The following GPR158 variants were observed in gnomAD, a reference collection of about 807,000 sequenced individuals.
The protein encoded by GPR158 is G protein-coupled receptor 158, also known as metabotropic glycine receptor.
A neutral mutation model predicts 78.2 loss-of-function variants in GPR158; 30 were observed. The observed-to-expected ratio is 0.38, with a 90% CI of 0.29 to 0.52. GPR158 has a LOEUF of 0.52. Ranked by LOEUF, GPR158 falls within the 20% of genes least tolerant of loss-of-function variation. The pLI is 0.83. For synonymous variants in GPR158, 581 were observed against 591.1 expected (o/e 0.98, Z 0.25); for missense variants, 1,463 against 1,523.5 (o/e 0.96, Z 0.66).
intron 2 of GPR158, among the ~76,000 whole-genome samples, chr10:25,365,823 T>G (rs1262076571): frequency 6.6e-6 from 1 of 151,582 alleles, no homozygotes; most frequent in Non-Finnish European, 1.5e-5. Context: ...GAGAACGTAC[T>G]TCGAGAGAAA....
intron 6 of GPR158, among the ~76,000 whole-genome samples, chr10:25,560,725 T>A (rs1233462969): frequency 6.6e-6 from 1 of 152,232 alleles, no homozygotes; most frequent in African/African-American, 2.4e-5. Flanking sequence ...TTTGTCATCT[T>A]TTTGTGGTTC....
At chr10:25,359,636 G>A (rs538420011) in intron 2 of GPR158, among the ~76,000 whole-genome samples, 4 of 152,154 alleles carry the variant, frequency 2.6e-5, no homozygotes, top group African/African-American at 9.6e-5. Flanking sequence ...TACGTGCCAC[G>A]TTTTCTTTAT....
intron 5 of GPR158, among the ~76,000 whole-genome samples, chr10:25,492,413 CT>C (rs139421827): frequency 2.0e-5 from 3 of 150,544 alleles, no homozygotes; most frequent in Admixed American, 1.3e-4. Context: ...TTTTCTTTTT[CT>C]TTTTTTTTGT....
At chr10:25,585,389 C>T (rs1007111222) in intron 7 of GPR158, among the ~76,000 whole-genome samples, 9 of 152,208 alleles carry the variant, frequency 5.9e-5, no homozygotes, top group African/African-American at 1.9e-4. Context: ...GTTCCTGCCC[C>T]GTAGTTCATA....
chr10:25,481,196 C>G (rs971318139), intron 5 of GPR158, among the ~76,000 whole-genome samples: 1 of 134,844 alleles, frequency 7.4e-6, no homozygotes, highest in African/African-American at 2.5e-5. Flanking sequence ...GGACTGAGAC[C>G]TTTACTGGGG....
intron 2 of GPR158, among the ~76,000 whole-genome samples, chr10:25,267,011 A>T (rs1291873061): frequency 6.6e-6 from 1 of 152,152 alleles, no homozygotes; most frequent in Non-Finnish European, 1.5e-5. Context: ...TATTCTTGAA[A>T]GAAATTGTGT....
chr10:25,484,069 G>A (rs1286915668), intron 5 of GPR158, among the ~76,000 whole-genome samples: 2 of 152,114 alleles, frequency 1.3e-5, no homozygotes, highest in African/African-American at 4.8e-5. Context: ...AAAGAGACCG[G>A]AATTCTAACC....
chr10:25,463,724 C>G (rs571747755), intron 4 of GPR158, among the ~76,000 whole-genome samples: 35 of 152,202 alleles, frequency 2.3e-4, no homozygotes, highest in Admixed American at 3.9e-4. Flanking sequence ...CCCCCACCCC[C>G]ATACACACTT....
In GPR158 at chr10:25,176,127, G is replaced by A. The variant is rs780800138; in HGVS notation, c.707G>A (p.Arg236His). 5.1e-6 allele frequency: 8 copies of A among 1,572,660 alleles called. No homozygotes were observed. Among genetic ancestry groups the A allele is most frequent in the African/African-American group, 4.0e-5 (3 of 74,284 alleles). The change falls in exon 1 of 11, where the codon CGC becomes CAC. Residue 236 changes from arginine (R) to histidine (H), a missense_variant. Transcript: ENST00000376351. This position sits in a 1 kb window ranked among gnomAD's most constrained non-coding sequence, Gnocchi z 6.3. The part of the protein sequence containing the change: ...LRRKWRPHLH[R>H]RGPNQGPRGL... ...CGCAAGTGGAGGCCCCACTTACACC[G>A]CCGCGGCCCCAATCAGGGGCCCCGG...
rs574113323 is a variant in GPR158 at position 25,566,029 on chromosome 10, T to TA, written c.1515-6619dup. 5.9e-5 allele frequency among the ~76,000 whole-genome samples: 9 copies of TA among 152,300 alleles called. No homozygotes were observed. In the East Asian group the frequency reaches 1.5e-3, roughly 26 times the overall value. Reference sequence around the variant, plus strand: ...CAGTAAATTATTTTGTGACATGTCTTAGATTTTGAGGAAAACCGGAATTGC... The same window carrying TA: ...CAGTAAATTATTTTGTGACATGTCTTAAGATTTTGAGGAAAACCGGAATTGC... On this transcript the variant is annotated intron_variant, in intron 6 of 10. Coordinates refer to ENST00000376351, the MANE Select transcript of GPR158 (RefSeq NM_020752.3).
chr10:25,211,140 G>GAA (rs60869522), intron 1 of GPR158, among the ~76,000 whole-genome samples: 1 of 125,556 alleles, frequency 8.0e-6, no homozygotes, highest in Non-Finnish European at 1.8e-5. Context: ...CAAGAAAAAA[G>GAA]AAAAAAAAAA....
chr10:25,359,004 G>GTT (rs60537890), intron 2 of GPR158, among the ~76,000 whole-genome samples: 41 of 150,370 alleles, frequency 2.7e-4, no homozygotes, highest in African/African-American at 9.7e-4. Context: ...CAAGTATTCT[G>GTT]TTTTTTTTTG....
intron 2 of GPR158, among the ~76,000 whole-genome samples, chr10:25,298,372 A>G (rs1854545617): frequency 6.6e-6 from 1 of 152,188 alleles, no homozygotes; most frequent in Non-Finnish European, 1.5e-5. Flanking sequence ...TAAAAAATGT[A>G]AAGTTGTCTT....
intron 2 of GPR158, among the ~76,000 whole-genome samples, chr10:25,235,619 A>C (rs1311554924): frequency 6.6e-6 from 1 of 150,952 alleles, no homozygotes; most frequent in Non-Finnish European, 1.5e-5. Context: ...CATATTTCTT[A>C]ACCTTTTCAT....
intron 2 of GPR158, among the ~76,000 whole-genome samples, chr10:25,389,441 C>A (rs993752100): frequency 2.0e-5 from 3 of 152,170 alleles, no homozygotes; most frequent in Non-Finnish European, 4.4e-5. Flanking sequence ...AGGAGACTCT[C>A]TGCTGAGAGC....
At chr10:25,523,074 A>C (rs569682594) in intron 5 of GPR158, among the ~76,000 whole-genome samples, 1 of 152,344 alleles carries the variant, frequency 6.6e-6, no homozygotes, top group Non-Finnish European at 1.5e-5. Context: ...CAAGCCCTTC[A>C]TCACTTAGTA....
chr10:25,326,112 A>T (rs140635639), intron 2 of GPR158, among the ~76,000 whole-genome samples: 2 of 152,176 alleles, frequency 1.3e-5, no homozygotes, highest in African/African-American at 4.8e-5. Flanking sequence ...CCCTCCCCCT[A>T]ACAGGCTTCA....
At chr10:25,555,389 T>C (rs1030483700) in intron 6 of GPR158, among the ~76,000 whole-genome samples, 10 of 152,066 alleles carry the variant, frequency 6.6e-5, no homozygotes, top group Non-Finnish European at 1.3e-4. Context: ...GGAGCTGAAG[T>C]AGGCACAAAC....
intron 2 of GPR158, among the ~76,000 whole-genome samples, chr10:25,234,257 C>G (rs1853493222): frequency 1.3e-5 from 2 of 152,180 alleles, no homozygotes; most frequent in African/African-American, 4.8e-5. Context: ...TCAGTTGTTC[C>G]CCTCTGCCTT....
Sources: allele counts gnomAD v4.1 joint callset (sites outside exome capture counted in the v4.1 genomes callset), GRCh38; gene constraint gnomAD v4.1.1; non-coding constraint Gnocchi (gnomAD v3.1); transcripts MANE v1.5; gene names NCBI Gene and HGNC (gene_info 2026-07-23, HGNC 2026-07-21).